BCL2L13: variants seen among roughly 807,000 people sequenced by gnomAD.
The protein encoded by BCL2L13 is bcl-2-like protein 13.
BCL2L13 carries 13 observed loss-of-function variants against 25.8 expected under a neutral mutation model. The observed-to-expected ratio is 0.50, with a 90% CI of 0.33 to 0.80. The LOEUF (loss-of-function observed/expected upper bound fraction) is 0.80, where lower values mean the gene tolerates loss of function less well. Among genes scored for constraint, BCL2L13 ranks in the 30% least tolerant of loss-of-function variants. The probability of loss-of-function intolerance (pLI) is 0.02; values close to 1 mark genes in which losing one functional copy is unlikely to be tolerated. For synonymous variants in BCL2L13, 244 were observed against 230.3 expected, an observed-to-expected ratio of 1.06 and a Z score of -0.54; for missense variants, 504 against 574.9, an observed-to-expected ratio of 0.88 and a Z score of 1.26.
chr22:17,706,712 C>T (rs2060601889), intron 6 of BCL2L13: 2 of 1,351,366 alleles, frequency 1.5e-6, no homozygotes, highest in South Asian at 1.1e-5. Flanking sequence ...TGCTGTGATT[C>T]TCCCTGAGTC....
intron 1 of BCL2L13, among the ~76,000 whole-genome samples, chr22:17,631,700 A>C (rs546590318): frequency 4.7e-5 from 1 of 21,212 alleles, no homozygotes; most frequent in African/African-American, 1.2e-4. Context: ...ATATATATAT[A>C]TATATATTTT....
intron 1 of BCL2L13, among the ~76,000 whole-genome samples, chr22:17,643,209 C>T (rs1316912475): frequency 6.6e-6 from 1 of 152,106 alleles, no homozygotes; most frequent in Non-Finnish European, 1.5e-5. Flanking sequence ...GTTTTAGTGT[C>T]TGCTGAGTTT....
At chr22:17,703,810 G>A (rs2060511408) in intron 6 of BCL2L13, 1 of 152,104 alleles carries the variant, frequency 6.6e-6, no homozygotes, top group African/African-American at 2.4e-5. Flanking sequence ...TCCTACTTAA[G>A]TACTTTTTAA....
intron 6 of BCL2L13, among the ~76,000 whole-genome samples, chr22:17,713,871 T>C (rs1225205524): frequency 6.6e-6 from 1 of 152,022 alleles, no homozygotes; most frequent in Non-Finnish European, 1.5e-5. Flanking sequence ...CCAGGCACAG[T>C]GGCTCATGCT....
chr22:17,675,004 A>T (rs1282203793), intron 2 of BCL2L13, among the ~76,000 whole-genome samples: 2 of 152,182 alleles, frequency 1.3e-5, no homozygotes, highest in Non-Finnish European at 2.9e-5. Flanking sequence ...GAGATCCTCT[A>T]CAATTATACT....
At position 17,727,876 on chromosome 22, in the gene BCL2L13, C is replaced by T. The variant is rs897627327; in HGVS notation, c.*342C>T. 102 of 288,778 alleles carry T rather than the reference C, an allele frequency of 3.5e-4. 1 individual carries two copies. The highest frequency in any genetic ancestry group is 1.9e-3 in the African/African-American group (93 of 47,804). 17.9% of individuals were successfully genotyped at this position (288,778 alleles called of 1,614,324 possible). ...TGTGGTGGGCTCCACCCACTAGATG[C>T]CAGTGGCACCCCCTCCCAGAGATGA... On this transcript the variant is annotated 3_prime_UTR_variant, in exon 7 of 7. Transcript: ENST00000317582.
chr22:17,716,767 A>G (rs1256552232), intron 6 of BCL2L13, among the ~76,000 whole-genome samples: 1 of 152,178 alleles, frequency 6.6e-6, no homozygotes, highest in African/African-American at 2.4e-5. Flanking sequence ...TAACATTCAA[A>G]CTGAGCCTTT....
chr22:17,631,521 CT>C (rs2058012836), intron 1 of BCL2L13, among the ~76,000 whole-genome samples: 1 of 150,666 alleles, frequency 6.6e-6, no homozygotes, highest in African/African-American at 2.4e-5. Context: ...CCGTTTGTCC[CT>C]TTTTTTCAAT....
chr22:17,704,420 T>G (rs2060529527), intron 6 of BCL2L13, among the ~76,000 whole-genome samples: 1 of 152,078 alleles, frequency 6.6e-6, no homozygotes, highest in Non-Finnish European at 1.5e-5. Context: ...ATCTCTAAAT[T>G]TGAATGTCCA....
chr22:17,687,209 C>T (rs2587074), intron 3 of BCL2L13, among the ~76,000 whole-genome samples: 1 of 152,070 alleles, frequency 6.6e-6, no homozygotes, highest in African/African-American at 2.4e-5. Context: ...GTAGCTGATG[C>T]CTTGCATCGC....
rs1211180279 is a variant in BCL2L13, at chr22:17,648,609, TAAC to T, written c.-50-7050_-50-7048del. ...AGGTCTGTTATGTTTATAACCAGAA[TAAC>T]AAATATGCATTTAAAGTCTGAAAAC... On this transcript the variant is annotated intron_variant, in intron 1 of 6. Transcript: ENST00000317582. 2.0e-5 allele frequency among the ~76,000 whole-genome samples: 3 copies of T among 152,098 alleles called. No homozygotes were observed. The South Asian group carries it at 6.2e-4, about 31-fold the overall frequency.
At chr22:17,676,820 A>G (rs968970918) in intron 2 of BCL2L13, among the ~76,000 whole-genome samples, 27 of 152,204 alleles carry the variant, frequency 1.8e-4, no homozygotes, top group Non-Finnish European at 3.4e-4. Context: ...TTATCTGTAA[A>G]GGTAGACTTT....
intron 1 of BCL2L13, among the ~76,000 whole-genome samples, chr22:17,630,231 A>AC (rs1216593623): frequency 1.2e-4 from 18 of 151,948 alleles, no homozygotes; most frequent in African/African-American, 4.1e-4. Context: ...AAAACAAAAA[A>AC]AAAAAAAACA....
At chr22:17,632,195 C>T (rs1021419396) in intron 1 of BCL2L13, among the ~76,000 whole-genome samples, 1 of 151,978 alleles carries the variant, frequency 6.6e-6, no homozygotes, top group Non-Finnish European at 1.5e-5. Flanking sequence ...TAAACGTTGC[C>T]ATTTATTAAT....
rs377551594 is a variant in BCL2L13, at chr22:17,726,657, C to T, written c.601-20C>T. ...AATAGTTACCATTCTTTATTATTGACGCTTGTCCTTCGTTTCTAGGGCACT... is the reference window on the plus strand; with the variant it reads ...AATAGTTACCATTCTTTATTATTGATGCTTGTCCTTCGTTTCTAGGGCACT... On this transcript the variant is annotated intron_variant, in intron 6 of 6. Coordinates refer to ENST00000317582, the MANE Select transcript of BCL2L13 (RefSeq NM_015367.4). 61 of 1,596,844 alleles carry T rather than the reference C, an allele frequency of 3.8e-5. No individual in the cohort carries two copies. The highest frequency in any genetic ancestry group is 1.2e-4 in the African/African-American group (9 of 74,400).
intron 2 of BCL2L13, among the ~76,000 whole-genome samples, chr22:17,657,002 A>G (rs962582938): frequency 2.6e-5 from 4 of 152,062 alleles, no homozygotes; most frequent in African/African-American, 7.2e-5. Context: ...GTATTTTAGT[A>G]GAGACGGGGT....
Position 17,696,157 on chromosome 22 carries a change from G to C in BCL2L13, c.403G>C (p.Ala135Pro), listed in dbSNP as rs773293223. Residue 135 changes from alanine to proline, a missense_variant, in exon 5 of 7, where the codon GCA becomes CCA. Coordinates refer to ENST00000317582, the MANE Select transcript of BCL2L13 (RefSeq NM_015367.4). ...TCTCTACAGGCCAGTGACATATCAG[G>C]CATTTCGGGAATGTACACTGGAGAC... Reference protein sequence around the residue: ...MLLSQPVTYQAFRECTLETTV... With the variant: ...MLLSQPVTYQPFRECTLETTV... 1.6e-5 allele frequency: 26 copies of C among 1,613,586 alleles called. No homozygotes were observed. The highest frequency in any genetic ancestry group is 2.2e-5 in the Non-Finnish European group (26 of 1,179,738).
chr22:17,638,236 T>A (rs1186171289), upstream of BCL2L13: 1 of 156,670 alleles, frequency 6.4e-6, no homozygotes, highest in Non-Finnish European at 1.4e-5. Flanking sequence ...AAGACTTCCT[T>A]CATGCCCTGG....
intron 1 of BCL2L13, among the ~76,000 whole-genome samples, chr22:17,653,495 ATTT>A (rs34652783): frequency 2.4e-4 from 27 of 110,694 alleles, no homozygotes; most frequent in Middle Eastern, 5.1e-3. Flanking sequence ...CTCCAGTATG[ATTT>A]TTTTTTTTTT....
Sources: gnomAD v4.1 joint callset for allele counts (sites outside exome capture counted in the v4.1 genomes callset) on GRCh38, gnomAD v4.1.1 for gene constraint, MANE v1.5 for transcripts, NCBI Gene and HGNC (gene_info 2026-07-23, HGNC 2026-07-21) for gene names.